Variants in CCDC6 observed in about 807,000 individuals in gnomAD.
CCDC6 encodes the protein coiled-coil domain-containing protein 6.
A neutral mutation model predicts 56.6 loss-of-function variants in CCDC6; 20 were observed. That is an observed-to-expected ratio of 0.35 (90% CI 0.25 to 0.51). CCDC6 has a LOEUF of 0.51. Among genes scored for constraint, CCDC6 ranks in the 20% least tolerant of loss-of-function variants. The probability of loss-of-function intolerance (pLI) is 0.95; values close to 1 mark genes in which losing one functional copy is unlikely to be tolerated. For missense variants in CCDC6, 367 were observed against 601.1 expected, an observed-to-expected ratio of 0.61 and a Z score of 4.07; for synonymous variants, 241 against 234.4, an observed-to-expected ratio of 1.03 and a Z score of -0.26.
intron 5 of CCDC6, 63 bp downstream of exon 5, chr10:59,812,572 C>T (rs2070682113): frequency 3.6e-6 from 4 of 1,111,808 alleles, no homozygotes; most frequent in South Asian, 1.8e-5. Context: ...TTGGTAATAC[C>T]CTATATTTGG....
At chr10:59,833,654 G>GGGT (rs79707242) in intron 2 of CCDC6, among the ~76,000 whole-genome samples, 1 of 47,926 alleles carries the variant, frequency 2.1e-5, no homozygotes, top group Non-Finnish European at 4.5e-5. Flanking sequence ...GGGGGGGGGG[G>GGGT]TTTGTTGATC....
chr10:59,792,426 C>T lies in CCDC6; in HGVS notation c.*491G>A, dbSNP rs2070476113. 2.3e-6 allele frequency: 1 copy of T among 427,716 alleles called. No individual in the cohort carries two copies. The highest frequency in any genetic ancestry group is 4.4e-6 in the Non-Finnish European group (1 of 225,924). The allele number at this position is 427,716 out of a possible 1,614,324, so 26.5% of individuals were successfully genotyped here. ...GATTCATCTAACTTTCTGTTCTACA[C>T]TGAAAGCCAGATTTTCAAAGGTCTG... On this transcript the variant is annotated 3_prime_UTR_variant, in exon 9 of 9. Transcript: ENST00000263102.
At chr10:59,858,603 C>T (rs1414084217) in intron 1 of CCDC6, among the ~76,000 whole-genome samples, 1 of 152,172 alleles carries the variant, frequency 6.6e-6, no homozygotes, top group Non-Finnish European at 1.5e-5. Flanking sequence ...TCACTGCCCA[C>T]CCCCATCTGC....
intron 1 of CCDC6, among the ~76,000 whole-genome samples, chr10:59,886,845 C>T (rs974926498): frequency 3.3e-5 from 5 of 152,102 alleles, no homozygotes; most frequent in African/African-American, 1.2e-4. Flanking sequence ...TAGGCAGGTA[C>T]AGAAAAAGAA....
At chr10:59,829,134 C>T (rs1216998058) in intron 3 of CCDC6, among the ~76,000 whole-genome samples, 1 of 152,198 alleles carries the variant, frequency 6.6e-6, no homozygotes, top group African/African-American at 2.4e-5. Context: ...CAGTGAGGCC[C>T]TGCTGACATG....
intron 1 of CCDC6, among the ~76,000 whole-genome samples, chr10:59,891,719 CT>C (rs535584618): frequency 1.1e-4 from 16 of 152,312 alleles, no homozygotes; most frequent in African/African-American, 3.8e-4. Context: ...CCCCACAACT[CT>C]GATGGATAGA....
intron 2 of CCDC6, among the ~76,000 whole-genome samples, chr10:59,849,419 T>C (rs1481682818): frequency 6.6e-6 from 1 of 152,208 alleles, no homozygotes; most frequent in African/African-American, 2.4e-5. Context: ...CAAAGGGATT[T>C]ACTCTCATGT....
At chr10:59,845,355 T>TC (rs2070982755) in intron 2 of CCDC6, among the ~76,000 whole-genome samples, 2 of 148,950 alleles carry the variant, frequency 1.3e-5, no homozygotes, top group African/African-American at 5.0e-5. Context: ...GGTTTTTTTT[T>TC]TTTTTTTTTT....
intron 3 of CCDC6, among the ~76,000 whole-genome samples, chr10:59,825,829 A>G (rs1049876510): frequency 6.6e-6 from 1 of 152,154 alleles, no homozygotes; most frequent in African/African-American, 2.4e-5. Context: ...AAATGTGAAA[A>G]TTTTCTTTCC....
intron 1 of CCDC6, among the ~76,000 whole-genome samples, chr10:59,903,141 G>A (rs2071516452): frequency 1.3e-5 from 2 of 152,178 alleles, no homozygotes. Context: ...ATCAGTGGTT[G>A]CCAGGAGTTT....
chr10:59,904,154 C>T (rs1294604913), intron 1 of CCDC6, among the ~76,000 whole-genome samples: 2 of 150,372 alleles, frequency 1.3e-5, no homozygotes, highest in African/African-American at 2.4e-5. Flanking sequence ...TAACACCACA[C>T]GACATTTCAC....
In CCDC6 at chr10:59,804,475, C is replaced by A; in HGVS notation, c.1050G>T (p.Val350=). The A allele has an allele frequency of 6.2e-7, 1 of 1,613,426 alleles. No individual in the cohort carries two copies. Among genetic ancestry groups the A allele is most frequent in the Non-Finnish European group, 8.5e-7 (1 of 1,179,422 alleles). The change falls in exon 7 of 9, where the codon GTG becomes GTT. Residue 350 remains valine, a synonymous_variant. Coordinates refer to ENST00000263102, the MANE Select transcript of CCDC6 (RefSeq NM_005436.5). ...MSAQGLRPRT[V]SSPIPYTPSP... is the part of the protein sequence containing the mutation. ...AAGGTGTGTAAGGGATCGGGCTGGA[C>A]ACAGTGCGAGGTCTTAATCCTTGTG...
At chr10:59,858,478 A>G (rs1448973006) in intron 1 of CCDC6, among the ~76,000 whole-genome samples, 1 of 152,214 alleles carries the variant, frequency 6.6e-6, no homozygotes, top group Admixed American at 6.5e-5. Flanking sequence ...AGGACTGCAG[A>G]GCAAGAGAGA....
At chr10:59,800,124 G>A (rs1274765444) in intron 7 of CCDC6, among the ~76,000 whole-genome samples, 1 of 152,042 alleles carries the variant, frequency 6.6e-6, no homozygotes, top group Non-Finnish European at 1.5e-5. Context: ...AATATTACAG[G>A]GTTCCCATGT....
intron 1 of CCDC6, among the ~76,000 whole-genome samples, chr10:59,871,876 G>C (rs775499793): frequency 6.6e-6 from 1 of 152,110 alleles, no homozygotes; most frequent in Non-Finnish European, 1.5e-5. Context: ...ATAGCACTCT[G>C]ATTAAATATA....
At chr10:59,876,996 C>T (rs570204650) in intron 1 of CCDC6, among the ~76,000 whole-genome samples, 1 of 152,098 alleles carries the variant, frequency 6.6e-6, no homozygotes, top group Non-Finnish European at 1.5e-5. Context: ...CTGTACAGCA[C>T]GTTATTATAC....
At chr10:59,847,230 T>A (rs1039718531) in intron 2 of CCDC6, among the ~76,000 whole-genome samples, 1 of 152,054 alleles carries the variant, frequency 6.6e-6, no homozygotes, top group Non-Finnish European at 1.5e-5. Flanking sequence ...TTTTTTTGTA[T>A]TTTTAGTAGA....
At chr10:59,879,520 G>T (rs2071314559) in intron 1 of CCDC6, among the ~76,000 whole-genome samples, 1 of 152,074 alleles carries the variant, frequency 6.6e-6, no homozygotes, top group African/African-American at 2.4e-5. Context: ...ACCAAACAAG[G>T]TCACTCTGAG....
At chr10:59,845,260 T>G (rs150034973) in intron 2 of CCDC6, among the ~76,000 whole-genome samples, 2 of 152,072 alleles carry the variant, frequency 1.3e-5, no homozygotes, top group East Asian at 3.9e-4. Flanking sequence ...CTACCTTTGT[T>G]TTTCCCCTCT....
Sources: gnomAD v4.1 joint callset for allele counts (sites outside exome capture counted in the v4.1 genomes callset) on GRCh38, gnomAD v4.1.1 for gene constraint, MANE v1.5 for transcripts, NCBI Gene and HGNC (gene_info 2026-07-23, HGNC 2026-07-21) for gene names.